TTLL5: variants seen among roughly 807,000 people sequenced by gnomAD.
The protein encoded by TTLL5 is tubulin tyrosine ligase like 5.
In TTLL5, 132 loss-of-function variants were observed where a neutral mutation model predicts 168.4. The ratio of observed to expected loss-of-function variants is 0.78; its 90% CI spans 0.68 to 0.91. TTLL5 has a LOEUF of 0.91. TTLL5 is among the 40% of genes least tolerant of loss of function. The probability of loss-of-function intolerance (pLI) is 0.00; values close to 1 mark genes in which losing one functional copy is unlikely to be tolerated. For missense variants in TTLL5, 1,545 were observed against 1,581.5 expected (o/e 0.98, Z 0.39); for synonymous variants, 546 against 558.6 (o/e 0.98, Z 0.32).
intron 27 of TTLL5, among the ~76,000 whole-genome samples, chr14:75,805,549 T>C (rs913325146): frequency 1.3e-5 from 2 of 151,836 alleles, no homozygotes; most frequent in Non-Finnish European, 2.9e-5. Context: ...CTGGTACTTC[T>C]CTATGGATTT....
At chr14:75,849,245 C>T (rs1314456522) in intron 28 of TTLL5, among the ~76,000 whole-genome samples, 1 of 152,188 alleles carries the variant, frequency 6.6e-6, no homozygotes, top group Non-Finnish European at 1.5e-5. Context: ...AGTGGCTAAT[C>T]AGAAGTCTCT....
intron 31 of TTLL5, among the ~76,000 whole-genome samples, chr14:75,925,967 G>T (rs529452734): frequency 2.6e-5 from 4 of 151,742 alleles, no homozygotes; most frequent in Non-Finnish European, 5.9e-5. Context: ...GGAGAATCAG[G>T]CAGGGAGGTT....
chr14:75,663,086 T>C lies in TTLL5; in HGVS notation c.-64T>C. 6.8e-7 allele frequency: 1 copy of C among 1,477,224 alleles called. No homozygotes were observed. Among genetic ancestry groups the C allele is most frequent in the East Asian group, 2.3e-5 (1 of 43,706 alleles). 91.5% of individuals were successfully genotyped at this position (1,477,224 alleles called of 1,614,324 possible). On this transcript the variant is annotated 5_prime_UTR_variant, in exon 2 of 32. Transcript: ENST00000298832. ...GTGCCATCCAAATTGCTTGATCCAG[T>C]GAATCTGCTAGGAAAGGTCTCTGAG...
Position 75,933,818 on chromosome 14 carries a change from G to T in TTLL5, c.3824-20606G>T, listed in dbSNP as rs1278072311. Among the ~76,000 whole-genome samples the T allele has an allele frequency of 6.4e-4, 97 of 152,202 alleles. 2 individuals are homozygous for T. Among genetic ancestry groups the T allele is most frequent in the Non-Finnish European group, 1.9e-4 (13 of 68,038 alleles). On this transcript the variant is annotated intron_variant, in intron 31 of 31. Transcript: ENST00000298832. The stretch of plus-strand genomic sequence containing the variant: ...GGCCATGCGGCAGGGCCCTGCTCCA[G>T]TGTGACTTCTTACAAGAGGAGGAAA...
intron 9 of TTLL5, among the ~76,000 whole-genome samples, chr14:75,713,969 A>C (rs896841155): frequency 6.7e-6 from 1 of 149,344 alleles, no homozygotes; most frequent in Non-Finnish European, 1.5e-5. Flanking sequence ...TTTTTTTTTT[A>C]ATTACAAAAG....
Position 75,690,059 on chromosome 14 carries a change from C to T in TTLL5, c.372-133C>T, listed in dbSNP as rs576044386. ...ATTAATAAGCCTTTTGGATTAACAG[C>T]GATATGTTTAGGATACAATACTATC... On this transcript the variant is annotated intron_variant, in intron 5 of 31. Transcript: ENST00000298832. 743 of 881,840 alleles carry T rather than the reference C, an allele frequency of 8.4e-4. 9 individuals carry two copies. The South Asian group carries it at 0.013, about 16-fold the overall frequency. The allele number at this position is 881,840 out of a possible 1,614,324, so 54.6% of individuals were successfully genotyped here.
chr14:75,905,996 G>A (rs989698450), intron 31 of TTLL5, among the ~76,000 whole-genome samples: 7 of 152,244 alleles, frequency 4.6e-5, no homozygotes, highest in South Asian at 2.1e-4. Context: ...TTAAATGTTC[G>A]TTGTTTCTGG....
intron 31 of TTLL5, among the ~76,000 whole-genome samples, chr14:75,940,166 G>A (rs1188352719): frequency 5.3e-5 from 7 of 131,026 alleles, no homozygotes; most frequent in Admixed American, 9.3e-5. Context: ...TGCAAGCTCC[G>A]CCTCCCAGGT....
chr14:75,839,818 G>A (rs987024824), intron 28 of TTLL5, among the ~76,000 whole-genome samples: 1 of 152,200 alleles, frequency 6.6e-6, no homozygotes, highest in Non-Finnish European at 1.5e-5. Flanking sequence ...TAATGATTAG[G>A]AATGTTGAGC....
chr14:75,869,109 A>G (rs1255907663), intron 29 of TTLL5, among the ~76,000 whole-genome samples: 2 of 148,618 alleles, frequency 1.3e-5, no homozygotes, highest in Non-Finnish European at 3.0e-5. Flanking sequence ...GTCATAACCT[A>G]TTGCTTCGTT....
Position 75,783,260 on chromosome 14 carries a change from T to C in TTLL5, c.2716T>C (p.Ser906Pro). ...CACCCATTTGTCATCTGTTACAACCTCTGACCTCTCTCCAGGGCCTTGCCA... is the reference window on the plus strand; with the variant it reads ...CACCCATTTGTCATCTGTTACAACCCCTGACCTCTCTCCAGGGCCTTGCCA... ...PNTHLSSVTTSDLSPGPCHHS... is the reference protein window; with the variant it reads ...PNTHLSSVTTPDLSPGPCHHS... The change falls in exon 26 of 32, where the codon TCT (serine) becomes CCT (proline). Residue 906 changes from serine to proline, a missense_variant. Ser to Pro is a moderately conservative substitution (Grantham distance 74). Transcript: ENST00000298832. 3 of 1,614,220 alleles carry C rather than the reference T, an allele frequency of 1.9e-6. No homozygotes were observed. The highest frequency in any genetic ancestry group is 2.5e-6 in the Non-Finnish European group (3 of 1,180,036).
At chr14:75,784,198 C>T (rs1892234601) in intron 26 of TTLL5, among the ~76,000 whole-genome samples, 1 of 152,306 alleles carries the variant, frequency 6.6e-6, no homozygotes, top group East Asian at 1.9e-4. Context: ...GTTTCTTCCT[C>T]CCCCAAGCCC....
chr14:75,746,192 T>C (rs1889598415), intron 17 of TTLL5, among the ~76,000 whole-genome samples: 1 of 152,226 alleles, frequency 6.6e-6, no homozygotes, highest in Admixed American at 6.5e-5. Flanking sequence ...TCTGGACTCT[T>C]TTGTTCAGCG....
chr14:75,923,849 T>G (rs2033911654), intron 31 of TTLL5, among the ~76,000 whole-genome samples: 1 of 152,182 alleles, frequency 6.6e-6, no homozygotes. Context: ...CTAAGTCTCT[T>G]TGTAGGTCTC....
chr14:75,777,975 T>TA (rs201797480), intron 23 of TTLL5, among the ~76,000 whole-genome samples: 2,547 of 141,626 alleles, frequency 0.018, 23 homozygotes, highest in South Asian at 0.027. Context: ...AGAAAAGGAT[T>TA]AAAAAAAAAA....
intron 28 of TTLL5, among the ~76,000 whole-genome samples, chr14:75,823,304 T>C (rs1280265756): frequency 1.3e-5 from 2 of 152,228 alleles, no homozygotes; most frequent in Non-Finnish European, 2.9e-5. Context: ...AAAGTTGATG[T>C]GCAGAGCCAT....
At chr14:75,663,315 T>C (rs1289843600) in intron 2 of TTLL5, 92 bp downstream of exon 2, 2 of 1,204,702 alleles carry the variant, frequency 1.7e-6, no homozygotes, top group African/African-American at 3.0e-5. Flanking sequence ...TCTTCTCTTT[T>C]ACTTATGTAC....
intron 31 of TTLL5, among the ~76,000 whole-genome samples, chr14:75,951,940 G>A (rs7157558): frequency 0.79 from 120,292 of 152,180 alleles, 47,635 homozygotes; most frequent in Admixed American, 0.83. Flanking sequence ...GACAAACTGG[G>A]CATCCTCAAA....
chr14:75,686,374 C>T (rs1019551327), intron 5 of TTLL5, among the ~76,000 whole-genome samples: 4 of 152,144 alleles, frequency 2.6e-5, no homozygotes, highest in Non-Finnish European at 5.9e-5. Flanking sequence ...AAGTTCTCAA[C>T]GGGGTTCCTA....
Sources: allele counts gnomAD v4.1 joint callset (sites outside exome capture counted in the v4.1 genomes callset), GRCh38; gene constraint gnomAD v4.1.1; transcripts MANE v1.5; gene names NCBI Gene and HGNC (gene_info 2026-07-23, HGNC 2026-07-21).